Variants in DENND2B observed in about 807,000 individuals in gnomAD.
DENND2B encodes the protein DENN domain containing 2B.
In DENND2B, 32 loss-of-function variants were observed where a neutral mutation model predicts 116.0. That is an observed-to-expected ratio of 0.28 (90% confidence interval 0.21 to 0.37). The LOEUF (loss-of-function observed/expected upper bound fraction) is 0.37, where lower values mean the gene tolerates loss of function less well. Among genes scored for constraint, DENND2B ranks in the 10% least tolerant of loss-of-function variants. The pLI is 1.00. For synonymous variants in DENND2B, 588 were observed against 583.9 expected, an observed-to-expected ratio of 1.01 and a Z score of -0.10; for missense variants, 1,276 against 1,477.7, an observed-to-expected ratio of 0.86 and a Z score of 2.24.
At chr11:8,782,810 C>T (rs1428463853) in intron 1 of DENND2B, among the ~76,000 whole-genome samples, 2 of 150,066 alleles carry the variant, frequency 1.3e-5, no homozygotes, top group East Asian at 3.9e-4. Flanking sequence ...TGGCATGAAC[C>T]CAGGAAGCAG....
intron 2 of DENND2B, among the ~76,000 whole-genome samples, chr11:8,738,509 T>C (rs1297084493): frequency 6.6e-6 from 1 of 152,132 alleles, no homozygotes; most frequent in Non-Finnish European, 1.5e-5. Context: ...AGCATCTGGA[T>C]CCAGCCCTCT....
upstream of DENND2B, among the ~76,000 whole-genome samples, chr11:8,873,429 CAGAA>C (rs1442885770): frequency 2.6e-5 from 4 of 152,344 alleles, no homozygotes; most frequent in South Asian, 6.2e-4. Flanking sequence ...TCTGCTCTCT[CAGAA>C]AGAAAAGTTA....
chr11:8,700,523 C>T (rs759408398), intron 14 of DENND2B, among the ~76,000 whole-genome samples: 14 of 152,168 alleles, frequency 9.2e-5, no homozygotes, highest in Non-Finnish European at 2.1e-4. Context: ...TCTCGGTTTC[C>T]TCTCAACTGC....
rs1565738888 is a variant in DENND2B at position 8,726,181 on chromosome 11, T to G, written c.1369A>C (p.Ser457Arg). The change falls in exon 4 of 20, where the codon AGT becomes CGT. Residue 457 changes from serine (S) to arginine (R), a missense_variant. Coordinates refer to ENST00000313726, the MANE Select transcript of DENND2B (RefSeq NM_213618.2). ...RKSFEFEDAS[S>R]LQSLYPSSPT... The stretch of plus-strand genomic sequence containing the variant: ...GAAGAGGGGTACAGGGACTGGAGAC[T>G]GGATGCATCCTCAAACTCAAAGGAT... 6.2e-7 allele frequency: 1 copy of G among 1,612,416 alleles called. No homozygotes were observed. Among genetic ancestry groups the G allele is most frequent in the South Asian group, 1.1e-5 (1 of 90,850 alleles).
intron 14 of DENND2B, chr11:8,700,036 T>G (rs923603710): frequency 6.6e-6 from 3 of 454,694 alleles, no homozygotes; most frequent in African/African-American, 6.0e-5. Context: ...AAACAATAGC[T>G]GTATTCACAG....
At chr11:8,853,521 CATTTT>C (rs1367718532) in intron 3 of DENND2B, among the ~76,000 whole-genome samples, 2 of 152,152 alleles carry the variant, frequency 1.3e-5, no homozygotes, top group Non-Finnish European at 2.9e-5. Context: ...GTGAGCAATA[CATTTT>C]TGTTGTTCAC....
chr11:8,900,192 G>A (rs192533903), intron 1 of DENND2B, among the ~76,000 whole-genome samples: 58 of 152,054 alleles, frequency 3.8e-4, no homozygotes, highest in Admixed American at 1.6e-3. Context: ...TTGGGAGGCC[G>A]AGGCGGGTAG....
intron 2 of DENND2B, among the ~76,000 whole-genome samples, chr11:8,876,893 A>T (rs993397111): frequency 2.8e-4 from 41 of 145,242 alleles, no homozygotes; most frequent in Admixed American, 2.8e-4. Flanking sequence ...AAAAAAAAAA[A>T]GAAAGAAAGA....
chr11:8,698,840 A>G, intron 16 of DENND2B, 93 bp downstream of exon 16: 5 of 1,456,604 alleles, frequency 3.4e-6, no homozygotes, highest in Non-Finnish European at 4.8e-6. Context: ...ACCCAGAGAG[A>G]GAGCTCAACA....
In DENND2B at chr11:8,730,214, G is replaced by A; in HGVS notation, c.1076C>T (p.Ser359Phe). The A allele has an allele frequency of 6.2e-7, 1 of 1,613,326 alleles. No homozygotes were observed. The change falls in exon 3 of 20, where the codon TCC becomes TTC. Residue 359 changes from serine to phenylalanine, a missense_variant. Coordinates refer to ENST00000313726, the MANE Select transcript of DENND2B (RefSeq NM_213618.2). The surrounding 1 kb of genome is among the most constrained non-coding windows in gnomAD (Gnocchi z 4.1). ...ATTTCCAGGGGTCCCGGGCTTAGTG[G>A]AACCACTGCCTTCCCTCTCTGGGGG... ...GPPPEREGSG[S>F]TKPGTPGNSP...
At position 8,707,713 on chromosome 11, in the gene DENND2B, G is replaced by A; in HGVS notation, c.2430+64C>T. On this transcript the variant is annotated intron_variant, in intron 12 of 19. Coordinates refer to ENST00000313726, the MANE Select transcript of DENND2B (RefSeq NM_213618.2). This position sits in a 1 kb window ranked among gnomAD's most constrained non-coding sequence, Gnocchi z 4.8. The stretch of plus-strand genomic sequence containing the variant: ...GGTGGTTTTCTCATCTAAGCTGGCT[G>A]CAGATACTCCTGTGGGAGCTGTCAG... 6.7e-7 allele frequency: 1 copy of A among 1,501,670 alleles called. No homozygotes were observed. Among genetic ancestry groups the A allele is most frequent in the South Asian group, 1.2e-5 (1 of 82,698 alleles). 93.0% of individuals were successfully genotyped at this position (1,501,670 alleles called of 1,614,324 possible).
chr11:8,853,844 T>C (rs1362831120), intron 3 of DENND2B, among the ~76,000 whole-genome samples: 1 of 151,846 alleles, frequency 6.6e-6, no homozygotes, highest in Non-Finnish European at 1.5e-5. Context: ...AAGCAAACAC[T>C]ATATTTTTAA....
chr11:8,718,824 C>T, intron 4 of DENND2B: 1 of 1,000,922 alleles, frequency 1.0e-6, no homozygotes, highest in Non-Finnish European at 1.2e-6. Context: ...CACTCCTTTC[C>T]ACAAGCTGTA....
chr11:8,730,769 C>A lies in DENND2B; in HGVS notation c.521G>T (p.Arg174Leu). The A allele has an allele frequency of 6.2e-7, 1 of 1,609,594 alleles. No homozygotes were observed. Among genetic ancestry groups the A allele is most frequent in the Non-Finnish European group, 8.5e-7 (1 of 1,177,050 alleles). Residue 174 changes from arginine (R) to leucine (L), a missense_variant, in exon 3 of 20, where the codon CGC (arginine) becomes CTC (leucine). Physicochemically the swap from Arg to Leu is moderately radical, Grantham distance 102 (BLOSUM62 -2). Coordinates refer to ENST00000313726, the MANE Select transcript of DENND2B (RefSeq NM_213618.2). This position sits in a 1 kb window ranked among gnomAD's most constrained non-coding sequence, Gnocchi z 4.1. ...GCTCATCCTGGGCGACGCCTCTCGG[C>A]GACCTTCCCATGCTGATATCTTCTC... ...IREKISAWEG[R>L]REASPRMSMC...
chr11:8,874,128 TC>T (rs1294601041), upstream of DENND2B, among the ~76,000 whole-genome samples: 2 of 152,220 alleles, frequency 1.3e-5, no homozygotes, highest in Non-Finnish European at 2.9e-5. Context: ...TGAATACTGT[TC>T]CTTTCATCCT....
At chr11:8,761,449 C>T (rs2054606851) in intron 1 of DENND2B, among the ~76,000 whole-genome samples, 2 of 152,182 alleles carry the variant, frequency 1.3e-5, no homozygotes, top group Non-Finnish European at 2.9e-5. Flanking sequence ...GTGGGTCCTG[C>T]AATTTCGATG....
At chr11:8,766,568 C>T in intron 1 of DENND2B, 3 of 1,241,410 alleles carry the variant, frequency 2.4e-6, no homozygotes, top group Non-Finnish European at 3.2e-6. Flanking sequence ...AAGGAGAGGG[C>T]TTCCACTGAC....
chr11:8,707,005 A>G lies in DENND2B; in HGVS notation c.2571+80T>C. ...GGAGGGACCGTGCTCTGCAACCCCC[A>G]AAGACTACGACCTTGGCCAGCATGG... is the stretch of plus-strand genomic sequence containing the variant. On this transcript the variant is annotated intron_variant, in intron 13 of 19. Coordinates refer to ENST00000313726, the MANE Select transcript of DENND2B (RefSeq NM_213618.2). The surrounding 1 kb of genome is among the most constrained non-coding windows in gnomAD (Gnocchi z 4.8). The G allele has an allele frequency of 6.5e-7, 1 of 1,535,398 alleles. No individual in the cohort carries two copies. The highest frequency in any genetic ancestry group is 8.8e-7 in the Non-Finnish European group (1 of 1,137,664).
intron 4 of DENND2B, chr11:8,718,293 G>A (rs1156446045): frequency 7.3e-7 from 1 of 1,373,662 alleles, no homozygotes; most frequent in African/African-American, 1.4e-5. Context: ...TTCAAGGTAG[G>A]AAGGGTTTTC....
Sources: gnomAD v4.1 joint callset for allele counts (sites outside exome capture counted in the v4.1 genomes callset) on GRCh38, gnomAD v4.1.1 for gene constraint, Gnocchi (gnomAD v3.1) non-coding constraint, MANE v1.5 for transcripts, NCBI Gene and HGNC (gene_info 2026-07-23, HGNC 2026-07-21) for gene names.